Variants in GPRC6A observed in about 807,000 individuals in gnomAD.
GPRC6A encodes G protein-coupled receptor family C group 6 member A.
Under a neutral mutation model 47.0 loss-of-function variants are expected in GPRC6A, and 54 were observed. The ratio of observed to expected loss-of-function variants is 1.15; its 90% confidence interval spans 0.92 to 1.44. The LOEUF (loss-of-function observed/expected upper bound fraction) is 1.44, where lower values mean the gene tolerates loss of function less well. Ranked by LOEUF, GPRC6A falls within the 40% of genes most tolerant of loss-of-function variation. GPRC6A has a pLI of 0.00. For synonymous variants in GPRC6A, 347 were observed against 377.1 expected, an observed-to-expected ratio of 0.92 and a Z score of 0.93; for missense variants, 1,112 against 1,105.5, an observed-to-expected ratio of 1.01 and a Z score of -0.08.
chr6:116,819,391 T>A (rs1206757044), intron 1 of GPRC6A, among the ~76,000 whole-genome samples: 2 of 150,928 alleles, frequency 1.3e-5, no homozygotes, highest in Non-Finnish European at 3.0e-5. Context: ...CCACCCCAAA[T>A]CAACAGAATA....
chr6:116,827,653 C>T (rs1773716453), intron 1 of GPRC6A, among the ~76,000 whole-genome samples: 1 of 152,006 alleles, frequency 6.6e-6, no homozygotes, highest in African/African-American at 2.4e-5. Context: ...TGTTTTCCAT[C>T]CTTAATTGTT....
chr6:116,800,307 CCTTT>C (rs1263377582), intron 4 of GPRC6A, among the ~76,000 whole-genome samples: 41 of 121,074 alleles, frequency 3.4e-4, no homozygotes, highest in South Asian at 1.2e-3. Flanking sequence ...TCTCTCTCTC[CCTTT>C]CTTTCTTTCT....
At chr6:116,805,713 A>C (rs1772813834) in intron 3 of GPRC6A, among the ~76,000 whole-genome samples, 1 of 152,122 alleles carries the variant, frequency 6.6e-6, no homozygotes, top group Admixed American at 6.6e-5. Flanking sequence ...GCTCTTTTAC[A>C]CACAATTGCT....
At position 116,809,571 on chromosome 6, in the gene GPRC6A, T is replaced by C. The variant is rs748030500; in HGVS notation, c.241A>G (p.Ile81Val). The change falls in exon 2 of 6, where the codon ATT becomes GTT. Residue 81 changes from isoleucine (I) to valine (V), a missense_variant. By Grantham distance (29) the Ile-to-Val change is conservative. Coordinates refer to ENST00000310357, the MANE Select transcript of GPRC6A (RefSeq NM_148963.4). ...AGTGTTGAATTGTTGATCATCTCAA[T>C]GCTGTGTATCATGGCAAGAGTTTGA... Reference protein sequence around the residue: ...FLQTLAMIHSIEMINNSTLLP... With the variant: ...FLQTLAMIHSVEMINNSTLLP... 18 of 1,612,604 alleles carry C rather than the reference T, an allele frequency of 1.1e-5. No homozygotes were observed. The highest frequency in any genetic ancestry group is 1.4e-5 in the Non-Finnish European group (17 of 1,178,804).
chr6:116,794,616 T>C (rs1258861046), intron 5 of GPRC6A, among the ~76,000 whole-genome samples: 1 of 152,192 alleles, frequency 6.6e-6, no homozygotes, highest in African/African-American at 2.4e-5. Flanking sequence ...CTTGGTGTTT[T>C]TATTTCTCTC....
chr6:116,808,828 C>G (rs886958286), intron 2 of GPRC6A, among the ~76,000 whole-genome samples: 1 of 151,164 alleles, frequency 6.6e-6, no homozygotes, highest in Non-Finnish European at 1.5e-5. Context: ...GCTGTGATAT[C>G]TGATTTTTTT....
intron 1 of GPRC6A, among the ~76,000 whole-genome samples, chr6:116,827,110 A>G (rs1773703157): frequency 6.6e-6 from 1 of 151,868 alleles, no homozygotes; most frequent in African/African-American, 2.4e-5. Flanking sequence ...ACATATAGTT[A>G]GATAAAAGAT....
At chr6:116,816,180 G>A (rs1773199360) in intron 1 of GPRC6A, among the ~76,000 whole-genome samples, 1 of 152,156 alleles carries the variant, frequency 6.6e-6, no homozygotes, top group Non-Finnish European at 1.5e-5. Flanking sequence ...ACTAATTCTA[G>A]CATTAACTCA....
At position 116,828,845 on chromosome 6, in the gene GPRC6A, G is replaced by A. The variant is rs6907580; in HGVS notation, c.169C>T (p.Arg57Ter). The change falls in exon 1 of 6, where the codon CGA becomes TGA. Residue 57 changes from arginine to a stop codon, truncating the protein, a stop_gained. Coordinates refer to ENST00000310357, the MANE Select transcript of GPRC6A (RefSeq NM_148963.4). LOFTEE classifies it high-confidence loss of function. Reference sequence around the variant, plus strand: ...CCAACACACTCCTGGATTTGTGGTCGTCTGGGAGAGTCTTCTGAGGACAAC... The same window carrying A: ...CCAACACACTCCTGGATTTGTGGTCATCTGGGAGAGTCTTCTGAGGACAAC... ...KMLSSEDSPRRPQIQECVGFE... is the reference protein window; with the variant it reads ...KMLSSEDSPR 0.069 allele frequency: 111,298 copies of A among 1,611,840 alleles called. 4,458 individuals are homozygous for A. The highest frequency in any genetic ancestry group is 0.17 in the Admixed American group (10,112 of 59,816).
intron 5 of GPRC6A, among the ~76,000 whole-genome samples, chr6:116,794,181 C>G (rs780789224): frequency 6.6e-6 from 1 of 152,178 alleles, no homozygotes; most frequent in Non-Finnish European, 1.5e-5. Flanking sequence ...ACCCCACAGC[C>G]TGTACAACTC....
rs915435758 is a variant in GPRC6A at position 116,792,683 on chromosome 6, CCCT to C, written c.2237_2239del (p.Glu746del). On this transcript the variant is annotated inframe_deletion, in exon 6 of 6. Coordinates refer to ENST00000310357, the MANE Select transcript of GPRC6A (RefSeq NM_148963.4). ...CATGGTGCCAAATGCAAGTATGGAT[CCCT>C]CCTCACACTCCAGGATGATGACTCT... 1 of 1,613,156 alleles carries C rather than the reference CCCT, an allele frequency of 6.2e-7. No homozygotes were observed.
At chr6:116,816,189 C>G (rs764774735) in intron 1 of GPRC6A, among the ~76,000 whole-genome samples, 6 of 152,212 alleles carry the variant, frequency 3.9e-5, no homozygotes, top group Non-Finnish European at 7.3e-5. Flanking sequence ...AGCATTAACT[C>G]AAAAGTCCGA....
At chr6:116,828,504 T>A (rs2175622) in intron 1 of GPRC6A, among the ~76,000 whole-genome samples, 47,753 of 152,046 alleles carry the variant, frequency 0.31, 8,071 homozygotes, top group East Asian at 0.53. Context: ...ATGTGGGTTA[T>A]GTATGCTTGT....
At chr6:116,819,711 G>A (rs1025056206) in intron 1 of GPRC6A, among the ~76,000 whole-genome samples, 12 of 152,050 alleles carry the variant, frequency 7.9e-5, no homozygotes, top group African/African-American at 2.9e-4. Context: ...TCAAAGCAGT[G>A]TGTAGAGGGA....
chr6:116,808,704 T>C (rs1376265105), intron 2 of GPRC6A, among the ~76,000 whole-genome samples: 1 of 152,196 alleles, frequency 6.6e-6, no homozygotes, highest in Non-Finnish European at 1.5e-5. Context: ...GCTTCTCTTC[T>C]TCCTTAAGAT....
intron 1 of GPRC6A, among the ~76,000 whole-genome samples, chr6:116,822,891 T>TAAA (rs757893318): frequency 1.2e-4 from 14 of 117,514 alleles, no homozygotes; most frequent in Non-Finnish European, 1.8e-4. Flanking sequence ...TACTAGTCTC[T>TAAA]AAAAAAAAAA....
chr6:116,821,542 C>G (rs1773480265), intron 1 of GPRC6A, among the ~76,000 whole-genome samples: 1 of 152,046 alleles, frequency 6.6e-6, no homozygotes, highest in African/African-American at 2.4e-5. Flanking sequence ...ACAGAGCCCT[C>G]AGAAATAACG....
At chr6:116,817,511 C>T (rs1236083481) in intron 1 of GPRC6A, among the ~76,000 whole-genome samples, 1 of 152,190 alleles carries the variant, frequency 6.6e-6, no homozygotes, top group Non-Finnish European at 1.5e-5. Flanking sequence ...CAGTTCCTCA[C>T]CAGCAACAGA....
intron 1 of GPRC6A, among the ~76,000 whole-genome samples, chr6:116,820,387 TG>T (rs1486580637): frequency 6.6e-6 from 1 of 151,886 alleles, no homozygotes; most frequent in African/African-American, 2.4e-5. Flanking sequence ...ATACCAAAGC[TG>T]GGCAGAGACA....
Sources: allele counts gnomAD v4.1 joint callset (sites outside exome capture counted in the v4.1 genomes callset), GRCh38; gene constraint gnomAD v4.1.1; transcripts MANE v1.5; gene names NCBI Gene and HGNC (gene_info 2026-07-23, HGNC 2026-07-21).